The following UGT1A10 variants were observed in gnomAD, a reference collection of about 807,000 sequenced individuals.
UGT1A10 encodes the protein UDP-glucuronosyltransferase 1A10.
A neutral mutation model predicts 45.8 loss-of-function variants in UGT1A10; 49 were observed. That is an observed-to-expected ratio of 1.07 (90% CI 0.85 to 1.36). UGT1A10 has a LOEUF of 1.36. Among genes scored for constraint, UGT1A10 ranks in the 40% most tolerant of loss-of-function variants. The pLI is 0.00. For synonymous variants in UGT1A10, 284 were observed against 249.7 expected, an observed-to-expected ratio of 1.14 and a Z score of -1.29; for missense variants, 745 against 668.6, an observed-to-expected ratio of 1.11 and a Z score of -1.26.
chr2:233,639,691 T>A (rs188975192), intron 1 of UGT1A10, among the ~76,000 whole-genome samples: 1 of 152,298 alleles, frequency 6.6e-6, no homozygotes, highest in Admixed American at 6.5e-5. Context: ...AAAATCTCCT[T>A]GAGTCTATCC....
intron 1 of UGT1A10, among the ~76,000 whole-genome samples, chr2:233,724,169 C>CA (rs1420710950): frequency 7.9e-6 from 1 of 127,094 alleles, no homozygotes; most frequent in Admixed American, 7.4e-5. Flanking sequence ...GGCTGACCCC[C>CA]CCATCTCCCT....
chr2:233,738,711 A>G (rs1264212613), intron 1 of UGT1A10, among the ~76,000 whole-genome samples: 1 of 152,268 alleles, frequency 6.6e-6, no homozygotes, highest in Non-Finnish European at 1.5e-5. Context: ...GAAGCAGAGC[A>G]TAAAAGTTTG....
chr2:233,742,647 G>A (rs1292075508), intron 1 of UGT1A10: 1 of 152,020 alleles, frequency 6.6e-6, no homozygotes, highest in African/African-American at 2.4e-5. Context: ...GTATACCACC[G>A]ACCAACCATG....
chr2:233,672,822 A>T (rs749353376), intron 1 of UGT1A10: 1 of 1,576,106 alleles, frequency 6.3e-7, no homozygotes. Flanking sequence ...CCTTAAGAAT[A>T]CTTCACCTTT....
intron 1 of UGT1A10, among the ~76,000 whole-genome samples, chr2:233,717,106 AAACACCACTACATGGAAATAG>A (rs1002287058): frequency 5.9e-5 from 9 of 152,296 alleles, no homozygotes; most frequent in South Asian, 2.1e-4. Flanking sequence ...TATCTAAATA[AAACACCACTACATGGAAATAG>A]AACACCACTA....
At chr2:233,729,994 G>T in intron 1 of UGT1A10, 10 of 1,613,954 alleles carry the variant, frequency 6.2e-6, no homozygotes, top group African/African-American at 1.3e-5. Context: ...ACTATCTCAG[G>T]TCTGTATTGG....
chr2:233,757,535 A>AATAAATATACATATACATATATAT (rs1553619837), intron 1 of UGT1A10, among the ~76,000 whole-genome samples: 10 of 88,300 alleles, frequency 1.1e-4, no homozygotes, highest in South Asian at 5.2e-4. Context: ...GCCTGTAAGG[A>AATAAATATACATATACATATATAT]ATATATATAT....
chr2:233,762,367 A>G lies in UGT1A10; in HGVS notation c.856-4667A>G, dbSNP rs34270252. ...GTTCTTTGTACTCCAGCTATTACAT[A>G]CCAATATGTATATAGAAACATATGT... On this transcript the variant is annotated intron_variant, in intron 1 of 4. Transcript: ENST00000344644. 2.9e-4 allele frequency among the ~76,000 whole-genome samples: 44 copies of G among 152,378 alleles called. 2 individuals are homozygous for G. The East Asian group carries it at 8.1e-3, about 28-fold the overall frequency.
intron 1 of UGT1A10, among the ~76,000 whole-genome samples, chr2:233,733,728 TG>T (rs1325830019): frequency 1.3e-5 from 2 of 152,260 alleles, no homozygotes; most frequent in Admixed American, 6.5e-5. Flanking sequence ...TGAGGATTTT[TG>T]CATCGATGTT....
chr2:233,734,476 T>C (rs1027928479), intron 1 of UGT1A10, among the ~76,000 whole-genome samples: 15 of 152,296 alleles, frequency 9.8e-5, no homozygotes, highest in African/African-American at 3.6e-4. Context: ...CCTGGATTCA[T>C]TGATTTTTTT....
chr2:233,715,350 G>A (rs756045317), intron 1 of UGT1A10, among the ~76,000 whole-genome samples: 3 of 151,318 alleles, frequency 2.0e-5, no homozygotes, highest in Non-Finnish European at 4.4e-5. Context: ...GTAGGTTTGA[G>A]GTTTGAGACT....
chr2:233,645,860 G>T (rs2073587956), intron 1 of UGT1A10, among the ~76,000 whole-genome samples: 1 of 152,162 alleles, frequency 6.6e-6, no homozygotes, highest in African/African-American at 2.4e-5. Flanking sequence ...GAGGGATGGT[G>T]GCCCTCTTCT....
At chr2:233,652,774 A>C (rs570538029) in intron 1 of UGT1A10, among the ~76,000 whole-genome samples, 1 of 152,224 alleles carries the variant, frequency 6.6e-6, no homozygotes, top group Non-Finnish European at 1.5e-5. Context: ...CCACATGCAA[A>C]AGAATGAAGA....
At chr2:233,671,931 T>G in intron 1 of UGT1A10, 1 of 1,603,076 alleles carries the variant, frequency 6.2e-7, no homozygotes, top group Non-Finnish European at 8.5e-7. Flanking sequence ...GCTGCAGTTC[T>G]CTGATGGCTT....
At position 233,670,779 on chromosome 2, in the gene UGT1A10, C is replaced by G. The variant is rs150896440; in HGVS notation, c.855+33402C>G. ...ACCTTCAGTGTTGAACTCATGGGTT[C>G]TGGGTGGCTAGGGGCATTGTCCAAA... is the stretch of plus-strand genomic sequence containing the variant. On this transcript the variant is annotated intron_variant, in intron 1 of 4. Coordinates refer to ENST00000344644, the MANE Select transcript of UGT1A10 (RefSeq NM_019075.4). Among the ~76,000 whole-genome samples, 389 of 152,284 alleles carry G rather than the reference C, an allele frequency of 2.6e-3. 1 individual carries two copies. Among genetic ancestry groups the G allele is most frequent in the African/African-American group, 8.7e-3 (363 of 41,562 alleles).
intron 1 of UGT1A10, chr2:233,750,495 G>C (rs1427890072): frequency 6.6e-6 from 1 of 151,984 alleles, no homozygotes; most frequent in African/African-American, 2.4e-5. Flanking sequence ...AAGTAAGGAG[G>C]AGCCAAATGT....
intron 1 of UGT1A10, chr2:233,718,800 C>T (rs779656703): frequency 5.0e-6 from 8 of 1,613,106 alleles, no homozygotes; most frequent in African/African-American, 4.0e-5. Context: ...GGACAGTCAG[C>T]TGTCGGTGGC....
chr2:233,758,824 C>A (rs1696993714), intron 1 of UGT1A10, among the ~76,000 whole-genome samples: 1 of 152,138 alleles, frequency 6.6e-6, no homozygotes, highest in African/African-American at 2.4e-5. Flanking sequence ...TATATCCCCC[C>A]CAAAAAGAGT....
intron 1 of UGT1A10, among the ~76,000 whole-genome samples, chr2:233,678,992 A>C (rs1356858850): frequency 6.6e-6 from 1 of 152,204 alleles, no homozygotes; most frequent in East Asian, 1.9e-4. Flanking sequence ...CTCTTTCTAT[A>C]ATAACAGTGG....
Sources: allele counts gnomAD v4.1 joint callset (sites outside exome capture counted in the v4.1 genomes callset), GRCh38; gene constraint gnomAD v4.1.1; transcripts MANE v1.5; gene names NCBI Gene and HGNC (gene_info 2026-07-23, HGNC 2026-07-21).